FSTL5: variants seen among roughly 807,000 people sequenced by gnomAD.
The protein encoded by FSTL5 is follistatin like 5, also known as follistatin-related protein 5.
FSTL5 carries 62 observed loss-of-function variants against 89.1 expected under a neutral mutation model. The observed-to-expected ratio is 0.70, with a 90% CI of 0.57 to 0.86. The LOEUF (loss-of-function observed/expected upper bound fraction) is 0.86, where lower values mean the gene tolerates loss of function less well. Among genes scored for constraint, FSTL5 ranks in the 40% least tolerant of loss-of-function variants. The pLI is 0.00. For synonymous variants in FSTL5, 383 were observed against 346.2 expected (o/e 1.11, Z -1.18); for missense variants, 1,057 against 1,001.6 (o/e 1.06, Z -0.75).
At chr4:162,007,311 G>A (rs1485295732) in intron 3 of FSTL5, among the ~76,000 whole-genome samples, 4 of 151,700 alleles carry the variant, frequency 2.6e-5, no homozygotes, top group Non-Finnish European at 5.9e-5. Context: ...ATTTATTTAG[G>A]TAGATGTTGA....
intron 6 of FSTL5, among the ~76,000 whole-genome samples, chr4:161,711,840 A>C (rs1197969882): frequency 6.6e-6 from 1 of 152,188 alleles, no homozygotes; most frequent in East Asian, 1.9e-4. Context: ...AGCAATTAGT[A>C]TATAGTGTAT....
chr4:162,069,658 T>C (rs1729522626), intron 2 of FSTL5, among the ~76,000 whole-genome samples: 1 of 151,968 alleles, frequency 6.6e-6, no homozygotes, highest in Admixed American at 6.6e-5. Flanking sequence ...TCTTTCTGTG[T>C]CTGACCCATT....
chr4:161,944,733 TTAAGG>T (rs1734689330), intron 3 of FSTL5, among the ~76,000 whole-genome samples: 1 of 151,900 alleles, frequency 6.6e-6, no homozygotes. Flanking sequence ...ATAATACCTC[TTAAGG>T]TAAGACAATG....
chr4:161,437,564 T>A (rs1189317450), intron 15 of FSTL5, among the ~76,000 whole-genome samples: 8 of 25,032 alleles, frequency 3.2e-4, no homozygotes, highest in African/African-American at 8.6e-4. Context: ...AGACTCCGTC[T>A]CAAAAAAAAA....
intron 10 of FSTL5, among the ~76,000 whole-genome samples, chr4:161,536,108 G>T (rs1288258185): frequency 6.6e-6 from 1 of 152,028 alleles, no homozygotes; most frequent in African/African-American, 2.4e-5. Context: ...ATGAAAGGAG[G>T]CATGGGCTGA....
intron 2 of FSTL5, among the ~76,000 whole-genome samples, chr4:162,044,506 T>A (rs1249416253): frequency 1.3e-5 from 2 of 152,184 alleles, no homozygotes; most frequent in African/African-American, 4.8e-5. Flanking sequence ...TTCAGAATGG[T>A]AAATGAGCAT....
intron 6 of FSTL5, among the ~76,000 whole-genome samples, chr4:161,690,640 G>A (rs1737905969): frequency 6.6e-6 from 1 of 151,978 alleles, no homozygotes; most frequent in Non-Finnish European, 1.5e-5. Context: ...GATCATTAAA[G>A]GATTTTTAGG....
At chr4:161,604,419 C>G (rs986206108) in intron 7 of FSTL5, among the ~76,000 whole-genome samples, 1 of 151,948 alleles carries the variant, frequency 6.6e-6, no homozygotes, top group African/African-American at 2.4e-5. Context: ...TTAACTAAAA[C>G]AGAGAGTTGG....
intron 7 of FSTL5, among the ~76,000 whole-genome samples, chr4:161,594,664 C>A (rs1381054011): frequency 6.6e-6 from 1 of 151,950 alleles, no homozygotes; most frequent in Non-Finnish European, 1.5e-5. Context: ...AATATTCCAG[C>A]CAAAATTTTC....
At chr4:161,990,212 A>G (rs1736073266) in intron 3 of FSTL5, among the ~76,000 whole-genome samples, 1 of 152,142 alleles carries the variant, frequency 6.6e-6, no homozygotes, top group Non-Finnish European at 1.5e-5. Context: ...TATACAACCA[A>G]TATTAAAGCA....
At chr4:162,020,279 A>G (rs1737034330) in intron 3 of FSTL5, among the ~76,000 whole-genome samples, 1 of 152,070 alleles carries the variant, frequency 6.6e-6, no homozygotes, top group Non-Finnish European at 1.5e-5. Context: ...AAGTTGTTGA[A>G]CAAAACAGAT....
chr4:162,097,631 A>G (rs1168570548), intron 2 of FSTL5, among the ~76,000 whole-genome samples: 1 of 151,944 alleles, frequency 6.6e-6, no homozygotes, highest in East Asian at 1.9e-4. Context: ...AAAAATGAAA[A>G]GAAAAGCAAT....
chr4:161,399,391 GAA>G (rs1338708507), intron 15 of FSTL5, among the ~76,000 whole-genome samples: 1 of 152,040 alleles, frequency 6.6e-6, no homozygotes, highest in Non-Finnish European at 1.5e-5. Context: ...CTAGAGGAAA[GAA>G]AATGTTATTT....
chr4:162,071,014 G>A (rs776833221), intron 2 of FSTL5, among the ~76,000 whole-genome samples: 19 of 151,342 alleles, frequency 1.3e-4, no homozygotes, highest in Non-Finnish European at 2.1e-4. Flanking sequence ...GAAAGGAATC[G>A]AATCTGATAA....
intron 6 of FSTL5, among the ~76,000 whole-genome samples, chr4:161,686,328 ATATATATATATATATATATTTTTTTTTT>A (rs1441984488): frequency 0.01 from 63 of 6,112 alleles, no homozygotes; most frequent in Admixed American, 0.06. Flanking sequence ...ATATATATAT[ATATATATATATATATATATTTTTTTTTT>A]TTTTTTTTTT....
intron 6 of FSTL5, among the ~76,000 whole-genome samples, chr4:161,720,354 A>T (rs1029552791): frequency 3.9e-5 from 6 of 152,002 alleles, no homozygotes; most frequent in African/African-American, 1.5e-4. Flanking sequence ...TATTTTTTTT[A>T]AAAGATAATG....
At chr4:162,108,861 G>T (rs573358314) in intron 2 of FSTL5, among the ~76,000 whole-genome samples, 1 of 151,620 alleles carries the variant, frequency 6.6e-6, no homozygotes, top group Non-Finnish European at 1.5e-5. Context: ...AAAGTCATTT[G>T]TTCGCCATAA....
At chr4:162,037,110 T>G (rs1320648131) in intron 2 of FSTL5, among the ~76,000 whole-genome samples, 1 of 151,900 alleles carries the variant, frequency 6.6e-6, no homozygotes, top group East Asian at 1.9e-4. Flanking sequence ...GGAATATACC[T>G]GGTAGAAATT....
intron 4 of FSTL5, among the ~76,000 whole-genome samples, chr4:161,808,575 C>A (rs975356986): frequency 6.6e-6 from 1 of 151,850 alleles, no homozygotes; most frequent in African/African-American, 2.4e-5. Flanking sequence ...AGAAAACCTG[C>A]GTGACATTGG....
Sources: gnomAD v4.1 joint callset for allele counts (sites outside exome capture counted in the v4.1 genomes callset) on GRCh38, gnomAD v4.1.1 for gene constraint, MANE v1.5 for transcripts, NCBI Gene and HGNC (gene_info 2026-07-23, HGNC 2026-07-21) for gene names.